CEP72: variants seen among roughly 807,000 people sequenced by gnomAD.
The protein encoded by CEP72 is centrosomal protein 72, also known as centrosomal protein of 72 kDa.
In CEP72, 78 loss-of-function variants were observed where a neutral mutation model predicts 65.7. The observed-to-expected ratio is 1.19, with a 90% CI of 0.99 to 1.43. The LOEUF is 1.43. CEP72 is among the 40% of genes most tolerant of loss of function. The probability of loss-of-function intolerance (pLI) is 0.00; values close to 1 mark genes in which losing one functional copy is unlikely to be tolerated. For synonymous variants in CEP72, 358 were observed against 351.7 expected, an observed-to-expected ratio of 1.02 and a Z score of -0.20; for missense variants, 914 against 832.9, an observed-to-expected ratio of 1.10 and a Z score of -1.20.
At chr5:671,010 C>T (rs548866574), downstream of CEP72, among the ~76,000 whole-genome samples, 5 of 151,996 alleles carry the variant, frequency 3.3e-5, no homozygotes, top group East Asian at 2.0e-4. Context: ...GGCCCCAGGG[C>T]GGGCTGAGGG....
At chr5:614,836 A>G (rs1384436940) in intron 1 of CEP72, among the ~76,000 whole-genome samples, 4 of 152,146 alleles carry the variant, frequency 2.6e-5, no homozygotes, top group Non-Finnish European at 5.9e-5. Flanking sequence ...TGAATGTTCC[A>G]GGTGCACTTG....
In CEP72 at chr5:645,740, A is replaced by G. The variant is rs980906343; in HGVS notation, c.1666+1315A>G. 6.6e-6 allele frequency among the ~76,000 whole-genome samples: 1 copy of G among 152,254 alleles called. No homozygotes were observed. The highest frequency in any genetic ancestry group is 2.1e-4 in the South Asian group (1 of 4,836). On this transcript the variant is annotated intron_variant, in intron 10 of 11. Coordinates refer to ENST00000264935, the MANE Select transcript of CEP72 (RefSeq NM_018140.4). This position sits in a 1 kb window ranked among gnomAD's most constrained non-coding sequence, Gnocchi z 4.0. ...CCCCTGAACTGGAACAACAGAGTAAATAATAGTCTAACTTGTCTTTGTTAC... is the reference window on the plus strand; with the variant it reads ...CCCCTGAACTGGAACAACAGAGTAAGTAATAGTCTAACTTGTCTTTGTTAC...
intron 1 of CEP72, chr5:663,139 C>G (rs1023031880): frequency 8.9e-6 from 1 of 112,246 alleles, no homozygotes; most frequent in African/African-American, 3.0e-5. Context: ...TTCCGGTGAC[C>G]GCTCGTCTGT....
At chr5:651,526 C>T (rs1219354208) in intron 11 of CEP72, among the ~76,000 whole-genome samples, 1 of 151,992 alleles carries the variant, frequency 6.6e-6, no homozygotes, top group Non-Finnish European at 1.5e-5. Context: ...CTTCCCCCTT[C>T]ACTGCAGTGC....
chr5:658,945 G>A (rs1286235603), downstream of CEP72, among the ~76,000 whole-genome samples: 2 of 152,180 alleles, frequency 1.3e-5, no homozygotes, highest in Admixed American at 1.3e-4. Flanking sequence ...TGGGACTACA[G>A]GTGTGAGCCA....
At chr5:619,984 GT>G (rs1437587434) in intron 2 of CEP72, 84 bp from the exon 3 acceptor site, 1 of 1,047,658 alleles carries the variant, frequency 9.5e-7, no homozygotes, top group African/African-American at 1.6e-5. Flanking sequence ...TATACAGTTG[GT>G]TGGTCAGTGT....
chr5:653,413 T>TA lies in CEP72; in HGVS notation c.*260_*261insA, dbSNP rs1739241359. The TA allele has an allele frequency of 2.9e-6, 1 of 342,138 alleles. No homozygotes were observed. Among genetic ancestry groups the TA allele is most frequent in the South Asian group, 9.3e-5 (1 of 10,734 alleles). 21.2% of individuals were successfully genotyped at this position (342,138 alleles called of 1,614,324 possible). On this transcript the variant is annotated 3_prime_UTR_variant, in exon 12 of 12. Transcript: ENST00000264935. ...TTTTGAGACAAACTGACTATTAATC[T>TA]TGTATCCAGTATCCTGAGATGAAGT...
At chr5:652,172 G>C (rs1487783050) in intron 11 of CEP72, among the ~76,000 whole-genome samples, 2 of 152,192 alleles carry the variant, frequency 1.3e-5, no homozygotes, top group African/African-American at 4.8e-5. Context: ...GTACAGTTGG[G>C]GGTCATTCTC....
Position 645,492 on chromosome 5 carries a change from G to C in CEP72, c.1666+1067G>C, listed in dbSNP as rs993538091. Among the ~76,000 whole-genome samples the C allele has an allele frequency of 1.3e-5, 2 of 151,640 alleles. No homozygotes were observed. The highest frequency in any genetic ancestry group is 2.1e-4 in the South Asian group (1 of 4,802). On this transcript the variant is annotated intron_variant, in intron 10 of 11. Transcript: ENST00000264935. The surrounding 1 kb of genome is among the most constrained non-coding windows in gnomAD (Gnocchi z 4.0). ...AAAAAAAAAACAGTTCCCTGCCCGG[G>C]AGAACTGTGTGTGTGGTTTGCTCTC...
intron 10 of CEP72, 49 bp from the exon 11 acceptor site, chr5:647,756 T>G (rs773007547): frequency 4.2e-6 from 5 of 1,191,620 alleles, no homozygotes; most frequent in Non-Finnish European, 1.2e-6. Context: ...CAAAATGTAT[T>G]AATGAGTTTT....
At chr5:661,360 T>TGTCCCTCTCTCCTGGTGTCACCCCCGAC (rs1739596895), downstream of CEP72, 5 of 52,140 alleles carry the variant, frequency 9.6e-5, no homozygotes, top group Non-Finnish European at 1.8e-4. Context: ...TCACCCATGA[T>TGTCCCTCTCTCCTGGTGTCACCCCCGAC]AGAACCTGTC....
At chr5:629,048 T>G (rs1393104997) in intron 4 of CEP72, among the ~76,000 whole-genome samples, 1 of 152,184 alleles carries the variant, frequency 6.6e-6, no homozygotes, top group Non-Finnish European at 1.5e-5. Context: ...GGGACTGTCC[T>G]CGGGTGGACC....
At chr5:668,266 CGG>C (rs1173576481), downstream of CEP72, among the ~76,000 whole-genome samples, 1 of 43,044 alleles carries the variant, frequency 2.3e-5, no homozygotes, top group Non-Finnish European at 4.1e-5. Flanking sequence ...GACAAGCACA[CGG>C]AGAGGGGTCC....
chr5:616,754 C>T, intron 1 of CEP72, among the ~76,000 whole-genome samples: 1 of 152,138 alleles, frequency 6.6e-6, no homozygotes. Context: ...TCCATTCTCA[C>T]ACCCCGGTGC....
intron 4 of CEP72, among the ~76,000 whole-genome samples, chr5:629,288 A>G (rs1737045940): frequency 6.6e-6 from 1 of 152,282 alleles, no homozygotes; most frequent in South Asian, 2.1e-4. Flanking sequence ...CATTTGGAAC[A>G]CTTAACTTTC....
chr5:614,656 C>T (rs1202897274), intron 1 of CEP72, among the ~76,000 whole-genome samples: 4 of 152,030 alleles, frequency 2.6e-5, no homozygotes, highest in African/African-American at 4.8e-5. Context: ...CCACCGCGCC[C>T]GGCCTGACCT....
At position 633,043 on chromosome 5, in the gene CEP72, T is replaced by A. The variant is rs865831977; in HGVS notation, c.513-726T>A. On this transcript the variant is annotated intron_variant, in intron 4 of 11. Coordinates refer to ENST00000264935, the MANE Select transcript of CEP72 (RefSeq NM_018140.4). ...GGTGGGGTTCTGTCCAGTGCCGGGATTTAGACCAGTCCTGGTGGGGTTCTG... is the reference window on the plus strand; with the variant it reads ...GGTGGGGTTCTGTCCAGTGCCGGGAATTAGACCAGTCCTGGTGGGGTTCTG... Among the ~76,000 whole-genome samples the A allele has an allele frequency of 2.9e-4, 17 of 59,518 alleles. 2 individuals carry two copies. Among genetic ancestry groups the A allele is most frequent in the Admixed American group, 3.1e-4 (2 of 6,412 alleles). The allele number at this position is 59,518 out of a possible 152,430, so 39.0% of individuals were successfully genotyped here.
exon 4 of CEP72, chr5:666,079 G>T: frequency 6.2e-7 from 1 of 1,612,124 alleles, no homozygotes; most frequent in Admixed American, 1.7e-5. Context: ...CTCCTCCAGC[G>T]CCTCCTGGAA....
rs1737705055 is a variant in CEP72, at chr5:637,690, T to C, written c.1078T>C (p.Ser360Pro). The change falls in exon 7 of 12, where the codon TCC becomes CCC. Residue 360 changes from serine (S) to proline (P), a missense_variant. Transcript: ENST00000264935. Reference sequence around the variant, plus strand: ...GGGCTGCCCGGAGAGAACTCATGGGTCCTCCGTGCCCAAGGAGAGCCTGAG... The same window carrying C: ...GGGCTGCCCGGAGAGAACTCATGGGCCCTCCGTGCCCAAGGAGAGCCTGAG... ...GLGCPERTHG[S>P]SVPKESLSRQ... 2.5e-6 allele frequency: 4 copies of C among 1,613,466 alleles called. No homozygotes were observed. The highest frequency in any genetic ancestry group is 3.4e-6 in the Non-Finnish European group (4 of 1,179,960).
Sources: gnomAD v4.1 joint callset for allele counts (sites outside exome capture counted in the v4.1 genomes callset) on GRCh38, gnomAD v4.1.1 for gene constraint, Gnocchi (gnomAD v3.1) non-coding constraint, MANE v1.5 for transcripts, NCBI Gene and HGNC (gene_info 2026-07-23, HGNC 2026-07-21) for gene names.